ARHGEF10: variants seen among roughly 807,000 people sequenced by gnomAD.
The protein encoded by ARHGEF10 is Rho guanine nucleotide exchange factor (GEF) 10.
A neutral mutation model predicts 147.4 loss-of-function variants in ARHGEF10; 140 were observed. The ratio of observed to expected loss-of-function variants is 0.95; its 90% confidence interval spans 0.83 to 1.09. The LOEUF (loss-of-function observed/expected upper bound fraction) is 1.09. Ranked by LOEUF, ARHGEF10 falls within the 50% of genes least tolerant of loss-of-function variation. The pLI is 0.00. For missense variants in ARHGEF10, 2,222 were observed against 1,752.7 expected (o/e 1.27, Z -4.78); for synonymous variants, 902 against 695.8 (o/e 1.30, Z -4.67).
chr8:1,901,918 C>T (rs1302866472), intron 15 of ARHGEF10, among the ~76,000 whole-genome samples: 1 of 152,198 alleles, frequency 6.6e-6, no homozygotes, highest in African/African-American at 2.4e-5. Context: ...GATAAGCACG[C>T]TGTTGAATTC....
chr8:1,842,903 C>T (rs985699125), intron 1 of ARHGEF10, among the ~76,000 whole-genome samples: 10 of 152,184 alleles, frequency 6.6e-5, no homozygotes, highest in Admixed American at 2.0e-4. Context: ...GCCCTAAGCA[C>T]CACGCCTAAT....
At chr8:1,902,502 T>C (rs1585468635) in intron 15 of ARHGEF10, among the ~76,000 whole-genome samples, 1 of 152,108 alleles carries the variant, frequency 6.6e-6, no homozygotes, top group African/African-American at 2.4e-5. Flanking sequence ...CTCAACTCCC[T>C]TTTTTTAAAG....
At chr8:1,904,775 G>A (rs1202746310) in intron 16 of ARHGEF10, among the ~76,000 whole-genome samples, 1 of 152,110 alleles carries the variant, frequency 6.6e-6, no homozygotes, top group Non-Finnish European at 1.5e-5. Flanking sequence ...AGAATCAAAA[G>A]ACAGCACAGA....
In ARHGEF10 at chr8:1,893,615, A is replaced by G. The variant is rs1334754132; in HGVS notation, c.1229A>G (p.Asn410Ser). The G allele has an allele frequency of 2.5e-6, 4 of 1,613,662 alleles. No individual in the cohort carries two copies. In the South Asian group the frequency reaches 3.3e-5, roughly 13 times the overall value. Residue 410 changes from asparagine (N) to serine (S), a missense_variant, in exon 12 of 29, where the codon AAC becomes AGC. Physicochemically the swap from Asn to Ser is conservative, Grantham distance 46. Transcript: ENST00000349830. ...GGTTCAGTTGTCGACAGTGAAAAGA[A>G]CTACGTAGATGCTCTTAAGAGGATT... Reference protein sequence around the residue: ...ILGSVVDSEKNYVDALKRILE... With the variant: ...ILGSVVDSEKSYVDALKRILE...
At chr8:1,936,700 G>T (rs879598835) in intron 26 of ARHGEF10, among the ~76,000 whole-genome samples, 11 of 152,240 alleles carry the variant, frequency 7.2e-5, no homozygotes, top group Non-Finnish European at 1.6e-4. Flanking sequence ...TAGGAGGGAT[G>T]TATCAGTTCC....
chr8:1,933,132 G>C (rs1324824387), intron 25 of ARHGEF10, among the ~76,000 whole-genome samples: 1 of 152,198 alleles, frequency 6.6e-6, no homozygotes, highest in Non-Finnish European at 1.5e-5. Flanking sequence ...TTTCACGACT[G>C]TCTAGGCTTC....
intron 1 of ARHGEF10, among the ~76,000 whole-genome samples, chr8:1,834,854 C>T (rs964459550): frequency 5.9e-5 from 9 of 152,212 alleles, no homozygotes; most frequent in African/African-American, 2.2e-4. Context: ...TCCCGTGGTG[C>T]ATCAGGGGTG....
intron 10 of ARHGEF10, among the ~76,000 whole-genome samples, chr8:1,884,249 A>G (rs1439070150): frequency 6.6e-6 from 1 of 152,128 alleles, no homozygotes; most frequent in African/African-American, 2.4e-5. Flanking sequence ...AAAAAAAATT[A>G]GCTGGGCGTG....
At chr8:1,896,146 G>GCA (rs1809952931) in intron 13 of ARHGEF10, among the ~76,000 whole-genome samples, 187 bp from the exon 14 acceptor site, 1 of 152,100 alleles carries the variant, frequency 6.6e-6, no homozygotes, top group Non-Finnish European at 1.5e-5. Context: ...GGTCAAACCA[G>GCA]CAACTTAACT....
chr8:1,846,533 T>C (rs570529946), intron 2 of ARHGEF10, among the ~76,000 whole-genome samples: 48 of 152,334 alleles, frequency 3.2e-4, no homozygotes, highest in African/African-American at 1.2e-3. Context: ...CTGGTTTTTT[T>C]CCCCATATTT....
intron 26 of ARHGEF10, among the ~76,000 whole-genome samples, chr8:1,944,780 A>C (rs531722743): frequency 9.2e-5 from 14 of 152,170 alleles, no homozygotes; most frequent in Admixed American, 2.0e-4. Context: ...CCAATCCCTG[A>C]TGGGCAAGGC....
Position 1,869,036 on chromosome 8 carries a change from G to C in ARHGEF10, c.623-158G>C, listed in dbSNP as rs60146165. On this transcript the variant is annotated intron_variant, in intron 6 of 28. Coordinates refer to ENST00000349830, the MANE Select transcript of ARHGEF10 (RefSeq NM_014629.4). ...ACAGCCCTCATTGTCTACTAGTTGGGACAAAGAACGAAAAAGTAAAAAATA... is the reference window on the plus strand; with the variant it reads ...ACAGCCCTCATTGTCTACTAGTTGGCACAAAGAACGAAAAAGTAAAAAATA... 2.7e-3 allele frequency among the ~76,000 whole-genome samples: 406 copies of C among 151,838 alleles called. 1 individual carries two copies. Among genetic ancestry groups the C allele is most frequent in the African/African-American group, 8.7e-3 (361 of 41,372 alleles).
chr8:1,858,224 G>A (rs1805762008), intron 3 of ARHGEF10, 109 bp downstream of exon 3: 6 of 1,044,802 alleles, frequency 5.7e-6, no homozygotes, highest in South Asian at 1.7e-5. Flanking sequence ...GAGTCCCCAG[G>A]TGAGTCCCCA....
At chr8:1,909,511 G>C (rs2129183979) in intron 18 of ARHGEF10, 41 bp downstream of exon 18, 1 of 1,611,110 alleles carries the variant, frequency 6.2e-7, no homozygotes, top group Non-Finnish European at 8.5e-7. Flanking sequence ...GTGGGGCCAG[G>C]GTAACTCTCA....
In ARHGEF10 at chr8:1,837,739, A is replaced by G. The variant is rs569171354; in HGVS notation, c.-47-5614A>G. On this transcript the variant is annotated intron_variant, in intron 1 of 28. Transcript: ENST00000349830. ...CTTTGAGAACAGAGCGTGGGTTACC[A>G]GGGGAGGGCGCTGATTTTCTCTGAA... 3.3e-5 allele frequency among the ~76,000 whole-genome samples: 5 copies of G among 152,254 alleles called. No homozygotes were observed. In the South Asian group the frequency reaches 1.0e-3, roughly 32 times the overall value.
chr8:1,903,442 C>A lies in ARHGEF10; in HGVS notation c.1812C>A (p.Tyr604Ter), dbSNP rs1332591469. The stretch of plus-strand genomic sequence containing the variant: ...TAGCCAAAGCCATAAACGAAAGATA[C>A]CTGAACAAGGTTGAGAGAGGTTTTC... Reference protein sequence around the residue: ...KQIAKAINERYLNKLLSSGSR... With the variant: ...KQIAKAINER The change falls in exon 16 of 29, where the codon TAC becomes TAA. Residue 604 changes from tyrosine to a stop codon, truncating the protein, a stop_gained. Transcript: ENST00000349830. LOFTEE classifies it high-confidence loss of function. The A allele has an allele frequency of 6.2e-7, 1 of 1,614,136 alleles. No homozygotes were observed. Among genetic ancestry groups the A allele is most frequent in the Non-Finnish European group, 8.5e-7 (1 of 1,180,044 alleles).
At chr8:1,836,043 T>C (rs1394506954) in intron 1 of ARHGEF10, among the ~76,000 whole-genome samples, 2 of 151,498 alleles carry the variant, frequency 1.3e-5, no homozygotes, top group African/African-American at 4.8e-5. Flanking sequence ...TAGCCAGGCG[T>C]GGTGGCAGGT....
intron 18 of ARHGEF10, among the ~76,000 whole-genome samples, chr8:1,912,360 T>A (rs1811425685): frequency 6.6e-6 from 1 of 151,916 alleles, no homozygotes; most frequent in Non-Finnish European, 1.5e-5. Context: ...AAGCTCGCCG[T>A]CCCTGCAAAA....
Position 1,957,109 on chromosome 8 carries a change from A to T in ARHGEF10, c.3881A>T (p.Lys1294Ile). The change falls in exon 29 of 29, where the codon AAA becomes ATA. Residue 1294 changes from lysine to isoleucine, a missense_variant. Coordinates refer to ENST00000349830, the MANE Select transcript of ARHGEF10 (RefSeq NM_014629.4). Reference protein sequence around the residue: ...LLKDPVSLRSKARRAKKAKAS... With the variant: ...LLKDPVSLRSIARRAKKAKAS... The stretch of plus-strand genomic sequence containing the variant: ...AAGGATCCTGTCTCGCTGAGAAGCA[A>T]AGCACGCCGGGCCAAGAAAGCCAAG... The T allele has an allele frequency of 6.2e-7, 1 of 1,613,178 alleles. No homozygotes were observed. Among genetic ancestry groups the T allele is most frequent in the Non-Finnish European group, 8.5e-7 (1 of 1,180,024 alleles).
Sources: gnomAD v4.1 joint callset for allele counts (sites outside exome capture counted in the v4.1 genomes callset) on GRCh38, gnomAD v4.1.1 for gene constraint, MANE v1.5 for transcripts, NCBI Gene and HGNC (gene_info 2026-07-23, HGNC 2026-07-21) for gene names.